CAPRIN2: variants seen among roughly 807,000 people sequenced by gnomAD.
The protein encoded by CAPRIN2 is caprin-2.
CAPRIN2 carries 66 observed loss-of-function variants against 130.4 expected under a neutral mutation model. The observed-to-expected ratio is 0.51, with a 90% CI of 0.42 to 0.62. CAPRIN2 has a LOEUF of 0.62. Among genes scored for constraint, CAPRIN2 ranks in the 20% least tolerant of loss-of-function variants. The pLI, the probability that CAPRIN2 is intolerant of heterozygous loss-of-function variation, is 0.00. For synonymous variants in CAPRIN2, 471 were observed against 444.1 expected (o/e 1.06, Z -0.76); for missense variants, 1,185 against 1,246.6 (o/e 0.95, Z 0.74).
At position 30,751,262 on chromosome 12, in the gene CAPRIN2, T is replaced by A. The variant is rs2073708174; in HGVS notation, c.421-129A>T. ...GCTATCAATCTGCAAGACTATCATT[T>A]TACTATACGGCATGCAGCAACTGTA... On this transcript the variant is annotated intron_variant, in intron 1 of 16. Transcript: ENST00000298892. The A allele has an allele frequency of 6.9e-6, 5 of 725,090 alleles. No individual in the cohort carries two copies. The East Asian group carries it at 1.3e-4, about 19-fold the overall frequency. The allele number at this position is 725,090 out of a possible 1,614,324, so 44.9% of individuals were successfully genotyped here.
Position 30,735,169 on chromosome 12 carries a change from T to TGC in CAPRIN2, c.606_607dup (p.His203ArgfsTer4). ...CTTCTCAGCCTCAAGTTTTAGCATG[T>TGC]GCTCCCTTCTCTGGGCCTTCTTTTG... On this transcript the variant is annotated frameshift_variant, in exon 4 of 17. Coordinates refer to ENST00000298892, the Ensembl canonical transcript of CAPRIN2. LOFTEE classifies it high-confidence loss of function. 3 of 1,614,204 alleles carry TGC rather than the reference T, an allele frequency of 1.9e-6. No homozygotes were observed. Among genetic ancestry groups the TGC allele is most frequent in the Non-Finnish European group, 1.7e-6 (2 of 1,180,028 alleles).
chr12:30,753,987 T>C (rs2075199324), exon 1 of CAPRIN2: 2 of 514,900 alleles, frequency 3.9e-6, no homozygotes, highest in Non-Finnish European at 6.9e-6. Context: ...CACCGGGACC[T>C]AAGGCTGAGC....
chr12:30,754,222 TA>T (rs1263717197), exon 1 of CAPRIN2: 1 of 157,614 alleles, frequency 6.3e-6, no homozygotes, highest in Non-Finnish European at 1.4e-5. Flanking sequence ...ACCCCGCGTT[TA>T]TTCTCAGTTG....
intron 14 of CAPRIN2, among the ~76,000 whole-genome samples, 184 bp from the exon 17 acceptor site, chr12:30,714,069 G>C (rs1322901047): frequency 6.6e-6 from 1 of 152,120 alleles, no homozygotes. Context: ...GAACATTGCT[G>C]TCTTCAAATA....
At position 30,713,867 on chromosome 12, in the gene CAPRIN2, CCTCTATAAGT is replaced by C; in HGVS notation, c.2509_2518del (p.Thr837AspfsTer58). On this transcript the variant is annotated frameshift_variant, in exon 15 of 17. Coordinates refer to ENST00000298892, the Ensembl canonical transcript of CAPRIN2. LOFTEE classifies it high-confidence loss of function. ...ATTTCCATTGGAAATTGAAGGGAGT[CCTCTATAAGT>C]ATCAAAACCTAATAAATAAACAAAC... 6.2e-7 allele frequency: 1 copy of C among 1,600,600 alleles called. No homozygotes were observed. The highest frequency in any genetic ancestry group is 8.6e-7 in the Non-Finnish European group (1 of 1,168,426).
chr12:30,724,370 C>T, exon 10 of CAPRIN2: 1 of 1,601,686 alleles, frequency 6.2e-7, no homozygotes, highest in Non-Finnish European at 8.6e-7. Context: ...GATTACATAC[C>T]TACGGGGCTA....
At chr12:30,747,134 A>G (rs1433448504) in intron 2 of CAPRIN2, among the ~76,000 whole-genome samples, 1 of 152,222 alleles carries the variant, frequency 6.6e-6, no homozygotes, top group Non-Finnish European at 1.5e-5. Flanking sequence ...TATAAACAAA[A>G]TAACAAAGCC....
intron 2 of CAPRIN2, among the ~76,000 whole-genome samples, chr12:30,744,367 G>A (rs2068889126): frequency 6.6e-6 from 1 of 152,002 alleles, no homozygotes; most frequent in Admixed American, 6.6e-5. Context: ...TACCATTTCT[G>A]ATGCCTTTGG....
chr12:30,709,860 A>C, exon 17 of CAPRIN2: 1 of 1,554,676 alleles, frequency 6.4e-7, no homozygotes, highest in African/African-American at 1.4e-5. Context: ...CAATCCCACT[A>C]ATTAGAACAC....
exon 4 of CAPRIN2, chr12:30,735,103 T>G: frequency 6.2e-7 from 1 of 1,614,068 alleles, no homozygotes; most frequent in Non-Finnish European, 8.5e-7. Context: ...TGTCAAGTTC[T>G]GCAATACATA....
chr12:30,720,968 T>C (rs1043643461), intron 11 of CAPRIN2, 53 bp from the exon 13 acceptor site: 3 of 1,298,750 alleles, frequency 2.3e-6, no homozygotes, highest in Non-Finnish European at 2.2e-6. Flanking sequence ...GTTCACTTTA[T>C]ATTTCTTGGG....
At chr12:30,739,465 A>G (rs10843828) in intron 3 of CAPRIN2, among the ~76,000 whole-genome samples, 2 of 152,022 alleles carry the variant, frequency 1.3e-5, no homozygotes, top group African/African-American at 4.8e-5. Flanking sequence ...AGGCTTAGTA[A>G]CTGGGTGACA....
At chr12:30,752,905 A>C (rs1200595198) in intron 1 of CAPRIN2, among the ~76,000 whole-genome samples, 3 of 152,210 alleles carry the variant, frequency 2.0e-5, no homozygotes, top group Non-Finnish European at 4.4e-5. Flanking sequence ...TCTTCACCTA[A>C]CACCACAAAA....
chr12:30,754,532 C>G (rs988457215), upstream of CAPRIN2: 5 of 152,342 alleles, frequency 3.3e-5, no homozygotes, highest in Admixed American at 1.3e-4. Flanking sequence ...CTTCCCACAG[C>G]CGCCCCGGGT....
exon 10 of CAPRIN2, chr12:30,724,384 G>T: frequency 6.2e-7 from 1 of 1,608,778 alleles, no homozygotes; most frequent in Non-Finnish European, 8.5e-7. Flanking sequence ...GGGGCTACCT[G>T]GAGTAGCTGA....
chr12:30,709,874 C>T, exon 17 of CAPRIN2: 2 of 1,568,464 alleles, frequency 1.3e-6, no homozygotes, highest in Non-Finnish European at 1.7e-6. Context: ...AGAACACCAT[C>T]CTTTTATTGT....
intron 2 of CAPRIN2, among the ~76,000 whole-genome samples, chr12:30,746,630 C>T (rs190331346): frequency 2.6e-5 from 4 of 152,278 alleles, no homozygotes; most frequent in Admixed American, 2.6e-4. Flanking sequence ...CTATTGCTGA[C>T]GTGCACAAGA....
At chr12:30,718,918 G>A (rs1367910844) in intron 12 of CAPRIN2, among the ~76,000 whole-genome samples, 161 bp downstream of exon 14, 1 of 152,166 alleles carries the variant, frequency 6.6e-6, no homozygotes, top group Non-Finnish European at 1.5e-5. Context: ...CTATTCTTCT[G>A]CCACAAACAA....
chr12:30,715,708 C>T (rs1408536272), intron 13 of CAPRIN2: 5 of 214,454 alleles, frequency 2.3e-5, no homozygotes, highest in Middle Eastern at 1.7e-3. Flanking sequence ...AAAAAGCAGG[C>T]TAAATACTCC....
Sources: allele counts gnomAD v4.1 joint callset (sites outside exome capture counted in the v4.1 genomes callset), GRCh38; gene constraint gnomAD v4.1.1; transcripts MANE v1.5; gene names NCBI Gene and HGNC (gene_info 2026-07-23, HGNC 2026-07-21).